Variants in SMCHD1 observed in about 807,000 individuals in gnomAD.
The protein encoded by SMCHD1 is structural maintenance of chromosomes flexible hinge domain-containing protein 1.
SMCHD1 carries 78 observed loss-of-function variants against 254.7 expected under a neutral mutation model. The ratio of observed to expected loss-of-function variants is 0.31; its 90% CI spans 0.26 to 0.37. The LOEUF is 0.37. SMCHD1 is among the 10% of genes least tolerant of loss of function. The pLI is 1.00. For synonymous variants in SMCHD1, 766 were observed against 794.9 expected (o/e 0.96, Z 0.61); for missense variants, 1,840 against 2,408.1 (o/e 0.76, Z 4.94).
chr18:2,722,725 TC>T (rs1320909066), intron 20 of SMCHD1, 62 bp downstream of exon 20: 2 of 1,445,594 alleles, frequency 1.4e-6, no homozygotes, highest in Admixed American at 2.4e-5. Context: ...ACTCTTTTTT[TC>T]AGCTTCATTT....
At chr18:2,795,662 C>T (rs1244154855) in intron 45 of SMCHD1, among the ~76,000 whole-genome samples, 1 of 152,172 alleles carries the variant, frequency 6.6e-6, no homozygotes, top group East Asian at 1.9e-4. Flanking sequence ...TAAACACTGG[C>T]TTGAGAGAGT....
intron 25 of SMCHD1, among the ~76,000 whole-genome samples, chr18:2,733,322 A>G (rs1274661322): frequency 6.6e-6 from 1 of 152,252 alleles, no homozygotes; most frequent in Non-Finnish European, 1.5e-5. Flanking sequence ...CCGTTAAGAG[A>G]ACCTAATAAA....
At chr18:2,744,568 T>G (rs1291250625) in intron 29 of SMCHD1, among the ~76,000 whole-genome samples, 1 of 152,068 alleles carries the variant, frequency 6.6e-6, no homozygotes, top group Admixed American at 6.6e-5. Context: ...TTCTCATACT[T>G]TTTTTTGTGG....
chr18:2,745,487 G>A (rs924493426), intron 29 of SMCHD1, among the ~76,000 whole-genome samples: 3 of 152,298 alleles, frequency 2.0e-5, no homozygotes, highest in Non-Finnish European at 2.9e-5. Context: ...GTGACAGTGT[G>A]CTTTATAAAA....
intron 5 of SMCHD1, among the ~76,000 whole-genome samples, chr18:2,675,383 G>A (rs1177231743): frequency 6.7e-6 from 1 of 150,234 alleles, no homozygotes; most frequent in Non-Finnish European, 1.5e-5. Context: ...TTCTGCCTCA[G>A]CCTCCCGAGT....
chr18:2,790,356 G>A (rs751378715), intron 45 of SMCHD1, among the ~76,000 whole-genome samples: 3 of 152,050 alleles, frequency 2.0e-5, no homozygotes, highest in Admixed American at 1.3e-4. Context: ...GAAAGACCAC[G>A]TTCATATAGC....
intron 36 of SMCHD1, among the ~76,000 whole-genome samples, chr18:2,763,356 A>G (rs1432696390): frequency 6.6e-6 from 1 of 152,242 alleles, no homozygotes; most frequent in Non-Finnish European, 1.5e-5. Flanking sequence ...ATCTGTAGGT[A>G]CTAAAAGTAC....
intron 8 of SMCHD1, among the ~76,000 whole-genome samples, chr18:2,696,537 T>C (rs761466354): frequency 6.6e-6 from 1 of 152,232 alleles, no homozygotes; most frequent in Non-Finnish European, 1.5e-5. Flanking sequence ...GGAAAAATTG[T>C]CTTCCATGAA....
At chr18:2,781,210 A>G (rs12457639) in intron 44 of SMCHD1, among the ~76,000 whole-genome samples, 4 of 152,088 alleles carry the variant, frequency 2.6e-5, no homozygotes, top group Admixed American at 1.3e-4. Flanking sequence ...TGCCACCTTC[A>G]TCTCAACTCC....
intron 17 of SMCHD1, among the ~76,000 whole-genome samples, chr18:2,715,974 T>A (rs1002540506): frequency 3.9e-5 from 6 of 152,242 alleles, no homozygotes; most frequent in African/African-American, 1.4e-4. Flanking sequence ...CCTTATTTTT[T>A]AATATTTTCT....
intron 3 of SMCHD1, 52 bp downstream of exon 3, chr18:2,667,083 C>G: frequency 7.8e-7 from 1 of 1,278,740 alleles, no homozygotes. Context: ...GCCTTTATCC[C>G]CTGATTACGT....
intron 25 of SMCHD1, among the ~76,000 whole-genome samples, chr18:2,735,917 A>G (rs1185862268): frequency 6.6e-6 from 1 of 152,226 alleles, no homozygotes; most frequent in Non-Finnish European, 1.5e-5. Flanking sequence ...TAAAATTCAG[A>G]TGGAACTAAA....
rs1297301355 is a variant in SMCHD1, at chr18:2,775,623, AATTC to A, written c.5176-108_5176-105del. 3 of 728,740 alleles carry A rather than the reference AATTC, an allele frequency of 4.1e-6. No individual in the cohort carries two copies. The African/African-American group carries it at 5.6e-5, about 14-fold the overall frequency. 45.1% of individuals were successfully genotyped at this position (728,740 alleles called of 1,614,324 possible). On this transcript the variant is annotated intron_variant, in intron 41 of 47. Coordinates refer to ENST00000320876, the MANE Select transcript of SMCHD1 (RefSeq NM_015295.3). ...TTTGACAACTTGACAGTTTATTTTT[AATTC>A]ATGTGTTTCAGAGAAGTTTTTGTTA... is the stretch of plus-strand genomic sequence containing the variant.
At position 2,802,732 on chromosome 18, in the gene SMCHD1, G is replaced by C. The variant is rs1276716574; in HGVS notation, c.*180G>C. ...ACTGGAAACAACCATTCAATTTTAT[G>C]AATCTTACTGGACATTATGGATTTA... On this transcript the variant is annotated 3_prime_UTR_variant, in exon 48 of 48. Coordinates refer to ENST00000320876, the MANE Select transcript of SMCHD1 (RefSeq NM_015295.3). The C allele has an allele frequency of 6.6e-5, 32 of 488,058 alleles. No homozygotes were observed. Among genetic ancestry groups the C allele is most frequent in the Non-Finnish European group, 8.4e-5 (23 of 275,260 alleles). 30.2% of individuals were successfully genotyped at this position (488,058 alleles called of 1,614,324 possible).
intron 5 of SMCHD1, among the ~76,000 whole-genome samples, chr18:2,677,460 G>A (rs1265386480): frequency 2.0e-5 from 3 of 151,980 alleles, no homozygotes; most frequent in South Asian, 2.1e-4. Context: ...TAAAATTTAC[G>A]TATCATAAAA....
Position 2,802,564 on chromosome 18 carries a change from G to A in SMCHD1, c.*12G>A. The A allele has an allele frequency of 6.4e-7, 1 of 1,552,138 alleles. No homozygotes were observed. Among genetic ancestry groups the A allele is most frequent in the Non-Finnish European group, 8.7e-7 (1 of 1,147,228 alleles). On this transcript the variant is annotated 3_prime_UTR_variant, in exon 48 of 48. Transcript: ENST00000320876. ...AAACAGATGTATGAGAGGTGACAGA[G>A]AGAAGAGGCCATTGGTCTCAGTAAG... is the stretch of plus-strand genomic sequence containing the variant.
At chr18:2,787,941 C>G (rs1004063678) in intron 45 of SMCHD1, among the ~76,000 whole-genome samples, 1 of 152,210 alleles carries the variant, frequency 6.6e-6, no homozygotes, top group East Asian at 1.9e-4. Context: ...AACTCTGGGA[C>G]AGTCAGCAGC....
chr18:2,775,983 G>A (rs2076059502), intron 42 of SMCHD1, 59 bp downstream of exon 42: 1 of 1,348,010 alleles, frequency 7.4e-7, no homozygotes, highest in Non-Finnish European at 1.0e-6. Flanking sequence ...TTTTATCAAA[G>A]CCTTGAATTT....
intron 44 of SMCHD1, 52 bp from the exon 45 acceptor site, chr18:2,784,398 G>T: frequency 2.9e-6 from 4 of 1,380,300 alleles, no homozygotes; most frequent in Non-Finnish European, 3.9e-6. Flanking sequence ...CTCCTTTTTT[G>T]GAGCAGTTGA....
Sources: gnomAD v4.1 joint callset for allele counts (sites outside exome capture counted in the v4.1 genomes callset) on GRCh38, gnomAD v4.1.1 for gene constraint, MANE v1.5 for transcripts, NCBI Gene and HGNC (gene_info 2026-07-23, HGNC 2026-07-21) for gene names.